TEX11: variants seen among roughly 807,000 people sequenced by gnomAD.
TEX11 encodes testis expressed 11.
Under a neutral mutation model 84.4 loss-of-function variants are expected in TEX11, and 7 were observed. That is an observed-to-expected ratio of 0.08 (90% confidence interval 0.05 to 0.16). The LOEUF (loss-of-function observed/expected upper bound fraction) is 0.16. Ranked by LOEUF, TEX11 falls within the 10% of genes least tolerant of loss-of-function variation. TEX11 has a pLI of 1.00. For missense variants in TEX11, 551 were observed against 660.5 expected (o/e 0.83, Z 1.82); for synonymous variants, 264 against 222.8 (o/e 1.18, Z -1.64).
chrX:70,887,909 G>A (rs1341827469), intron 2 of TEX11, among the ~76,000 whole-genome samples: 1 of 112,695 alleles, frequency 8.9e-6, no homozygotes, highest in African/African-American at 3.2e-5. Flanking sequence ...CTGGGAGAAA[G>A]TAAGAGAAAA....
chrX:70,641,455 C>G (rs2089657136), intron 17 of TEX11, among the ~76,000 whole-genome samples: 1 of 111,240 alleles, frequency 9.0e-6, no homozygotes, highest in Non-Finnish European at 1.9e-5. Context: ...CCCAAATCAA[C>G]AGAATATACG....
Position 70,539,038 on chromosome X carries a change from A to ATATTTTTTT in TEX11, c.2521-9040_2521-9039insAAAAAAATA. On this transcript the variant is annotated intron_variant, in intron 28 of 29. Transcript: ENST00000374333. ...CTTGGAAATATATATATATATATAT[A>ATATTTTTTT]TTTTTTTTTTTTTTAAGATGGAGTC... Among the ~76,000 whole-genome samples, 271 of 41,230 alleles carry ATATTTTTTT rather than the reference A, an allele frequency of 6.6e-3. 6 individuals are homozygous for ATATTTTTTT. Among genetic ancestry groups the ATATTTTTTT allele is most frequent in the African/African-American group, 0.024 (258 of 10,872 alleles). 35.8% of individuals were successfully genotyped at this position (41,230 alleles called of 115,157 possible).
intron 25 of TEX11, among the ~76,000 whole-genome samples, chrX:70,577,136 T>G (rs1361961944): frequency 9.0e-6 from 1 of 111,597 alleles, no homozygotes; most frequent in African/African-American, 3.3e-5. Context: ...CCTCTCCACA[T>G]GTATCATCTG....
At chrX:70,761,575 A>C (rs1330139636) in intron 9 of TEX11, among the ~76,000 whole-genome samples, 1 of 112,002 alleles carries the variant, frequency 8.9e-6, no homozygotes, top group African/African-American at 3.2e-5. Flanking sequence ...ACACATGGAC[A>C]CAGGGTGGGG....
chrX:70,552,068 A>G (rs41303711), intron 28 of TEX11, 58 bp downstream of exon 28: 42,751 of 1,142,389 alleles, frequency 0.037, 2,535 homozygotes, highest in African/African-American at 0.31. Context: ...TTTATAGTAC[A>G]CAAGACAGTT....
intron 3 of TEX11, among the ~76,000 whole-genome samples, chrX:70,876,898 A>G (rs1226183471): frequency 9.3e-6 from 1 of 107,885 alleles, no homozygotes; most frequent in African/African-American, 3.3e-5. Flanking sequence ...AAACCAAGAC[A>G]CTGTCTCAAA....
chrX:70,904,118 C>T (rs1387446140), intron 2 of TEX11, among the ~76,000 whole-genome samples: 1 of 108,816 alleles, frequency 9.2e-6, no homozygotes, highest in African/African-American at 3.4e-5. Context: ...CCAGGCCTGG[C>T]CTTGGTCTTG....
chrX:70,724,406 T>C (rs779253948), intron 12 of TEX11: 2 of 123,620 alleles, frequency 1.6e-5, no homozygotes, highest in Admixed American at 9.6e-5. Context: ...TTAGGGCTAC[T>C]GCCAAATTGA....
At chrX:70,823,996 G>A (rs2091331806) in intron 8 of TEX11, among the ~76,000 whole-genome samples, 1 of 111,227 alleles carries the variant, frequency 9.0e-6, no homozygotes, top group Admixed American at 9.6e-5. Flanking sequence ...CTCCAGCCTG[G>A]GCGACATAGT....
chrX:70,664,565 A>C (rs1255535482), intron 16 of TEX11, among the ~76,000 whole-genome samples: 1 of 111,670 alleles, frequency 9.0e-6, no homozygotes, highest in Non-Finnish European at 1.9e-5. Context: ...TGTGTGATTG[A>C]ACAGCCTTTT....
At chrX:70,619,745 A>G (rs1453038597) in intron 20 of TEX11, among the ~76,000 whole-genome samples, 1 of 111,713 alleles carries the variant, frequency 9.0e-6, no homozygotes, top group Non-Finnish European at 1.9e-5. Context: ...CCTGGGAGAC[A>G]ATTTCATGAT....
Position 70,834,604 on chromosome X carries a change from C to CAAACAAAACA in TEX11, c.526-1021_526-1012dup, listed in dbSNP as rs368129710. Among the ~76,000 whole-genome samples, 25 of 108,668 alleles carry CAAACAAAACA rather than the reference C, an allele frequency of 2.3e-4. 1 individual carries two copies. In the East Asian group the frequency reaches 4.2e-3, roughly 18 times the overall value. 94.4% of individuals were successfully genotyped at this position (108,668 alleles called of 115,157 possible). On this transcript the variant is annotated intron_variant, in intron 7 of 29. Coordinates refer to ENST00000374333, the MANE Select transcript of TEX11 (RefSeq NM_031276.3). Reference sequence around the variant, plus strand: ...AATCCCGTCTCTACCAAAAAACAAACAAACAAAACAAAACAAAACAAAACA... The same window carrying CAAACAAAACA: ...AATCCCGTCTCTACCAAAAAACAAACAAACAAAACAAAACAAAACAAAACAAAACAAAACA...
intron 7 of TEX11, among the ~76,000 whole-genome samples, chrX:70,836,323 A>T (rs1470705972): frequency 9.0e-6 from 1 of 111,323 alleles, no homozygotes; most frequent in Non-Finnish European, 1.9e-5. Flanking sequence ...AGAAAAAGAA[A>T]TCAATCAACT....
At chrX:70,672,447 C>G (rs1360558262) in intron 15 of TEX11, among the ~76,000 whole-genome samples, 1 of 111,874 alleles carries the variant, frequency 8.9e-6, no homozygotes, top group South Asian at 3.8e-4. Flanking sequence ...TTTTCCAAAC[C>G]GTCTGTACTA....
chrX:70,690,352 T>C (rs1327717111), intron 13 of TEX11, among the ~76,000 whole-genome samples: 1 of 111,700 alleles, frequency 9.0e-6, no homozygotes, highest in Non-Finnish European at 1.9e-5. Flanking sequence ...ATGGCAACTC[T>C]TTGTACTATC....
At chrX:70,897,049 T>C (rs181723113) in intron 2 of TEX11, among the ~76,000 whole-genome samples, 1 of 105,969 alleles carries the variant, frequency 9.4e-6, no homozygotes, top group East Asian at 3.0e-4. Flanking sequence ...AGAGGATCGC[T>C]TGAACCCAAG....
chrX:70,779,221 C>T (rs1382594780), intron 9 of TEX11, among the ~76,000 whole-genome samples: 4 of 109,500 alleles, frequency 3.7e-5, no homozygotes, highest in Admixed American at 9.8e-5. Context: ...TCTAGACCAG[C>T]CTGGCCAAGA....
At chrX:70,655,254 A>C (rs1171996624) in intron 16 of TEX11, among the ~76,000 whole-genome samples, 1 of 111,352 alleles carries the variant, frequency 9.0e-6, no homozygotes, top group Non-Finnish European at 1.9e-5. Context: ...AAAATGAACA[A>C]ACTTAATCTA....
At chrX:70,678,761 T>C (rs2090098160) in intron 15 of TEX11, 43 bp downstream of exon 15, 2 of 1,074,482 alleles carry the variant, frequency 1.9e-6, no homozygotes. Context: ...TATTTTTTGT[T>C]GCAGTGGAGA....
Sources: gnomAD v4.1 joint callset for allele counts (sites outside exome capture counted in the v4.1 genomes callset) on GRCh38, gnomAD v4.1.1 for gene constraint, MANE v1.5 for transcripts, NCBI Gene and HGNC (gene_info 2026-07-23, HGNC 2026-07-21) for gene names.